The following ARHGAP21 variants were observed in gnomAD, a reference collection of about 807,000 sequenced individuals.
ARHGAP21 encodes Rho GTPase activating protein 21.
Under a neutral mutation model 164.6 loss-of-function variants are expected in ARHGAP21, and 38 were observed. The observed-to-expected ratio is 0.23, with a 90% CI of 0.18 to 0.30. The LOEUF (loss-of-function observed/expected upper bound fraction) is 0.30. ARHGAP21 is among the 10% of genes least tolerant of loss of function. The pLI is 1.00. For missense variants in ARHGAP21, 1,822 were observed against 2,370.7 expected (o/e 0.77, Z 4.81); for synonymous variants, 766 against 857.9 (o/e 0.89, Z 1.87).
At chr10:24,697,496 G>A (rs959471800) in intron 2 of ARHGAP21, among the ~76,000 whole-genome samples, 1 of 151,816 alleles carries the variant, frequency 6.6e-6, no homozygotes, top group African/African-American at 2.4e-5. Flanking sequence ...CTCCCTAAAT[G>A]AGCCATCAAT....
At chr10:24,593,694 C>T (rs568622221) in intron 21 of ARHGAP21, among the ~76,000 whole-genome samples, 5 of 151,982 alleles carry the variant, frequency 3.3e-5, no homozygotes, top group Non-Finnish European at 7.4e-5. Flanking sequence ...TAATTCAGTA[C>T]TTTCTAAATT....
chr10:24,584,753 C>T lies in ARHGAP21; in HGVS notation c.5536G>A (p.Asp1846Asn). 1 of 1,613,926 alleles carries T rather than the reference C, an allele frequency of 6.2e-7. No homozygotes were observed. The change falls in exon 26 of 26, where the codon GAC becomes AAC. Residue 1846 changes from aspartate to asparagine, a missense_variant. Transcript: ENST00000396432. ...NRLKPKCSAQ[D>N]LSISDWLARE... ...GCCAGCCAGTCTGAGATGGAAAGGT[C>T]CTGGGCTGAGCATTTTGGTTTTAAC... is the stretch of plus-strand genomic sequence containing the variant.
At chr10:24,635,147 T>G (rs1836242438) in intron 4 of ARHGAP21, 44 bp from the exon 5 acceptor site, 2 of 1,259,594 alleles carry the variant, frequency 1.6e-6, no homozygotes, top group African/African-American at 3.0e-5. Flanking sequence ...TCACAATACT[T>G]TACTAAAATA....
At chr10:24,689,713 C>A (rs1842531739) in intron 2 of ARHGAP21, among the ~76,000 whole-genome samples, 1 of 151,922 alleles carries the variant, frequency 6.6e-6, no homozygotes. Context: ...TGCACTCCAG[C>A]CTGGACATCA....
chr10:24,688,328 G>C (rs1409798910), intron 2 of ARHGAP21, among the ~76,000 whole-genome samples: 1 of 152,174 alleles, frequency 6.6e-6, no homozygotes, highest in East Asian at 1.9e-4. Context: ...GGGAGGTGGA[G>C]GTTGAAGTGA....
At chr10:24,651,662 T>A (rs1838175401) in intron 4 of ARHGAP21, among the ~76,000 whole-genome samples, 1 of 152,218 alleles carries the variant, frequency 6.6e-6, no homozygotes, top group East Asian at 1.9e-4. Flanking sequence ...AATGCAGGGC[T>A]GGTTTCATAT....
chr10:24,585,190 C>T lies in ARHGAP21; in HGVS notation c.5099G>A (p.Cys1700Tyr), dbSNP rs746202739. Reference protein sequence around the residue: ...QLFSSHKLIECDTLSRKKSAR... With the variant: ...QLFSSHKLIEYDTLSRKKSAR... ...TGATTTTTTCCTGGAAAGAGTATCA[C>T]ATTCGATGAGTTTATGGGAACTGAA... Residue 1700 changes from cysteine (C) to tyrosine (Y), a missense_variant, in exon 26 of 26, where the codon TGT (cysteine) becomes TAT (tyrosine). Physicochemically the swap from Cys to Tyr is radical, Grantham distance 194. This residue lies in a region of ARHGAP21 where 117 missense variants were observed against 193.2 expected (regional missense o/e 0.61). Transcript: ENST00000396432. 2.5e-6 allele frequency: 4 copies of T among 1,608,602 alleles called. No homozygotes were observed. Among genetic ancestry groups the T allele is most frequent in the Non-Finnish European group, 3.4e-6 (4 of 1,178,598 alleles).
At chr10:24,631,556 CATT>C (rs1299070561) in intron 6 of ARHGAP21, among the ~76,000 whole-genome samples, 4 of 152,088 alleles carry the variant, frequency 2.6e-5, no homozygotes, top group Admixed American at 6.5e-5. Context: ...AGATTTGAAT[CATT>C]ATGTTTAGTT....
In ARHGAP21 at chr10:24,593,649, CA is replaced by C. The variant is rs529799301; in HGVS notation, c.3876+1300del. 3.4e-5 allele frequency among the ~76,000 whole-genome samples: 5 copies of C among 145,080 alleles called. No homozygotes were observed. In the East Asian group the frequency reaches 1.0e-3, roughly 29 times the overall value. On this transcript the variant is annotated intron_variant, in intron 21 of 25. Coordinates refer to ENST00000396432, the MANE Select transcript of ARHGAP21 (RefSeq NM_020824.4). ...TCAAGATTCAGTGTAATTAAAGACA[CA>C]AAAAATTCTTCAGTAAAGACCTATG...
chr10:24,670,224 T>G lies in ARHGAP21; in HGVS notation c.237A>C (p.Ser79=), dbSNP rs762515057. ...VYPPESAIQF[S]YKDEENGNRG... is the part of the protein sequence containing the mutation. ...CGGTAACTATTTCTCTTACCTTATA[T>G]GAAAATTGAATTGCAGACTCTGGGG... Residue 79 remains serine, a synonymous_variant, in exon 3 of 26, where the codon TCA becomes TCC. Transcript: ENST00000396432. The G allele has an allele frequency of 1.3e-6, 2 of 1,588,344 alleles. No individual in the cohort carries two copies. Among genetic ancestry groups the G allele is most frequent in the Non-Finnish European group, 1.7e-6 (2 of 1,166,870 alleles).
chr10:24,655,728 G>A (rs1194109664), intron 4 of ARHGAP21, among the ~76,000 whole-genome samples: 2 of 139,200 alleles, frequency 1.4e-5, no homozygotes, highest in East Asian at 2.2e-4. Context: ...TGGAAAGTGA[G>A]GAGCGTCTCC....
intron 7 of ARHGAP21, 100 bp downstream of exon 7, chr10:24,629,896 G>T: frequency 1.1e-6 from 1 of 887,454 alleles, no homozygotes; most frequent in Non-Finnish European, 1.8e-6. Flanking sequence ...TTAAATTCTA[G>T]AATTTTTTTT....
chr10:24,665,842 G>C (rs949346969), intron 4 of ARHGAP21, among the ~76,000 whole-genome samples: 37 of 152,282 alleles, frequency 2.4e-4, no homozygotes, highest in African/African-American at 8.9e-4. Context: ...ATCAGTACTA[G>C]TAATAAAATA....
At position 24,592,523 on chromosome 10, in the gene ARHGAP21, A is replaced by G. The variant is rs2076378685; in HGVS notation, c.3877-511T>C. On this transcript the variant is annotated intron_variant, in intron 21 of 25. Transcript: ENST00000396432. Reference sequence around the variant, plus strand: ...AAATGTTAAAATCAAAGGAAAAAAAAACTTGCAGAAGATTACAGGCACACC... The same window carrying G: ...AAATGTTAAAATCAAAGGAAAAAAAGACTTGCAGAAGATTACAGGCACACC... Among the ~76,000 whole-genome samples, 4 of 152,290 alleles carry G rather than the reference A, an allele frequency of 2.6e-5. No individual in the cohort carries two copies. In the South Asian group the frequency reaches 8.3e-4, roughly 32 times the overall value.
rs150718292 is a variant in ARHGAP21 at position 24,672,371 on chromosome 10, T to C, written c.64-1974A>G. ...TTCTTCCAACTCACAGGCGACTTTG[T>C]CTCAGGCTCCTTTGTTCTCATCTGC... On this transcript the variant is annotated intron_variant, in intron 2 of 25. Transcript: ENST00000396432. Among the ~76,000 whole-genome samples the C allele has an allele frequency of 1.2e-4, 18 of 152,310 alleles. No homozygotes were observed. The East Asian group carries it at 3.5e-3, about 29-fold the overall frequency.
At chr10:24,629,703 A>G (rs1835666295) in intron 7 of ARHGAP21, 2 of 386,390 alleles carry the variant, frequency 5.2e-6, no homozygotes, top group Non-Finnish European at 5.0e-6. Context: ...CCTTTGGTCC[A>G]AGGATGAACT....
chr10:24,622,433 C>CATATATATATATAT (rs10530408), intron 8 of ARHGAP21, among the ~76,000 whole-genome samples: 12 of 89,762 alleles, frequency 1.3e-4, no homozygotes, highest in Non-Finnish European at 2.2e-4. Flanking sequence ...ACTTAAAAAA[C>CATATATATATATAT]ATATATATAT....
intron 4 of ARHGAP21, among the ~76,000 whole-genome samples, chr10:24,659,445 A>G (rs572161811): frequency 1.2e-4 from 19 of 152,218 alleles, no homozygotes; most frequent in African/African-American, 3.9e-4. Flanking sequence ...CCTTGCGAGT[A>G]GCTGGGATTA....
At chr10:24,602,181 G>T in intron 12 of ARHGAP21, 78 bp from the exon 13 acceptor site, 1 of 1,487,134 alleles carries the variant, frequency 6.7e-7, no homozygotes, top group Non-Finnish European at 9.0e-7. Flanking sequence ...CTGCTTTGTG[G>T]AAAACTTTAT....
Sources: allele counts gnomAD v4.1 joint callset (sites outside exome capture counted in the v4.1 genomes callset), GRCh38; gene constraint gnomAD v4.1.1; regional missense constraint gnomAD v4.1.1; transcripts MANE v1.5; gene names NCBI Gene and HGNC (gene_info 2026-07-23, HGNC 2026-07-21).